The following HYCC2 variants were observed in gnomAD, a reference collection of about 807,000 sequenced individuals.
The protein encoded by HYCC2 is hyccin PI4KA lipid kinase complex subunit 2, also known as hyccin 2.
At chr2:201,012,240 G>A in the HYCC2 span, among the ~76,000 whole-genome samples, 2 of 151,996 alleles carry the variant, frequency 1.3e-5, no homozygotes, top group Admixed American at 6.6e-5. Flanking sequence ...CAGTCGGATC[G>A]CTTCAGCTCA....
the HYCC2 span, among the ~76,000 whole-genome samples, chr2:201,059,612 T>C: frequency 4.9e-4 from 74 of 152,278 alleles, no homozygotes; most frequent in Middle Eastern, 0.017. Context: ...TTTCTTTCCA[T>C]TAATACTCCC....
the HYCC2 span, chr2:201,021,641 G>C: frequency 5.8e-6 from 1 of 171,076 alleles, no homozygotes. Context: ...TTCTCGGGAA[G>C]TTACAAATAC....
chr2:201,019,314 A>C, the HYCC2 span, among the ~76,000 whole-genome samples: 6 of 152,204 alleles, frequency 3.9e-5, no homozygotes, highest in Admixed American at 3.9e-4. Flanking sequence ...GTACACTGGC[A>C]TGTGGGACAC....
the HYCC2 span, chr2:200,992,881 A>T: frequency 6.6e-7 from 1 of 1,504,610 alleles, no homozygotes; most frequent in South Asian, 1.1e-5. Context: ...TATTCCACCT[A>T]CTTACATGGC....
At chr2:201,034,507 CAT>C in the HYCC2 span, among the ~76,000 whole-genome samples, 249 of 152,294 alleles carry the variant, frequency 1.6e-3, no homozygotes, top group African/African-American at 4.8e-3. Context: ...TGTCTCTGCA[CAT>C]GAGATGGGTC....
chr2:201,033,223 ATC>A, the HYCC2 span, among the ~76,000 whole-genome samples: 4 of 133,970 alleles, frequency 3.0e-5, no homozygotes, highest in South Asian at 4.6e-4. Flanking sequence ...GAGAGATGAG[ATC>A]TCTCTCTGTT....
At chr2:201,042,555 G>A in the HYCC2 span, among the ~76,000 whole-genome samples, 124 of 147,636 alleles carry the variant, frequency 8.4e-4, no homozygotes, top group Non-Finnish European at 1.4e-3. Flanking sequence ...GGTGAGGAGC[G>A]TCTCTGACCA....
chr2:201,024,953 A>T, the HYCC2 span, among the ~76,000 whole-genome samples: 2 of 149,324 alleles, frequency 1.3e-5, no homozygotes, highest in Admixed American at 6.7e-5. Context: ...TATAAAAAAT[A>T]AAAAAAAAAC....
chr2:201,019,557 A>G, the HYCC2 span, among the ~76,000 whole-genome samples: 2 of 152,070 alleles, frequency 1.3e-5, no homozygotes, highest in African/African-American at 4.8e-5. Context: ...GTTTCAGACC[A>G]GCCTGCACAA....
the HYCC2 span, among the ~76,000 whole-genome samples, chr2:201,018,362 AAG>A: frequency 2.7e-3 from 404 of 152,242 alleles, 2 homozygotes; most frequent in African/African-American, 9.5e-3. Flanking sequence ...TTTAAAAAAA[AAG>A]AATAATAGTT....
At chr2:201,053,437 T>C in the HYCC2 span, among the ~76,000 whole-genome samples, 7 of 152,206 alleles carry the variant, frequency 4.6e-5, no homozygotes, top group Non-Finnish European at 8.8e-5. Flanking sequence ...AAAACATTTA[T>C]AGGAATGCGA....
the HYCC2 span, among the ~76,000 whole-genome samples, chr2:200,983,928 A>C: frequency 1.3e-5 from 2 of 152,240 alleles, no homozygotes; most frequent in Non-Finnish European, 2.9e-5. Flanking sequence ...AAGAGAATCT[A>C]CTGATATTTT....
chr2:201,053,746 CGAGG>C, the HYCC2 span, among the ~76,000 whole-genome samples: 11 of 151,488 alleles, frequency 7.3e-5, no homozygotes, highest in Non-Finnish European at 8.8e-5. Flanking sequence ...GGGTGGATCA[CGAGG>C]TCAGGAGATC....
At chr2:201,018,465 T>C in the HYCC2 span, among the ~76,000 whole-genome samples, 1 of 152,182 alleles carries the variant, frequency 6.6e-6, no homozygotes, top group African/African-American at 2.4e-5. Flanking sequence ...CATACATCTG[T>C]AATAATCTAA....
At chr2:201,048,565 C>G in the HYCC2 span, among the ~76,000 whole-genome samples, 1 of 148,622 alleles carries the variant, frequency 6.7e-6, no homozygotes. Flanking sequence ...TTATGTATGG[C>G]CCAAGACAAT....
the HYCC2 span, among the ~76,000 whole-genome samples, chr2:201,044,352 A>G: frequency 6.6e-6 from 1 of 152,226 alleles, no homozygotes; most frequent in African/African-American, 2.4e-5. Flanking sequence ...GATTAGAGCT[A>G]GGATTACAAG....
the HYCC2 span, among the ~76,000 whole-genome samples, chr2:201,028,357 G>T: frequency 6.6e-6 from 1 of 152,166 alleles, no homozygotes; most frequent in African/African-American, 2.4e-5. Flanking sequence ...TGGACAGGAA[G>T]AGTCAATATT....
At chr2:201,047,665 G>A in the HYCC2 span, among the ~76,000 whole-genome samples, 5 of 150,088 alleles carry the variant, frequency 3.3e-5, no homozygotes, top group South Asian at 1.0e-3. Flanking sequence ...AGGAAGGGAA[G>A]AAGTAAGGAT....
the HYCC2 span, among the ~76,000 whole-genome samples, chr2:201,055,192 A>G: frequency 6.6e-6 from 1 of 151,650 alleles, no homozygotes. Flanking sequence ...TTTTTCCTCA[A>G]TTTTTTTTAT....
Sources: gnomAD v4.1 joint callset for allele counts (sites outside exome capture counted in the v4.1 genomes callset) on GRCh38, gnomAD v4.1.1 for gene constraint, MANE v1.5 for transcripts, NCBI Gene and HGNC (gene_info 2026-07-23, HGNC 2026-07-21) for gene names.